The following EHBP1 variants were observed in gnomAD, a reference collection of about 807,000 sequenced individuals.
EHBP1 encodes EH domain-binding protein 1.
Under a neutral mutation model 144.0 loss-of-function variants are expected in EHBP1, and 55 were observed. That is an observed-to-expected ratio of 0.38 (90% CI 0.31 to 0.48). The LOEUF is 0.48. EHBP1 is among the 20% of genes least tolerant of loss of function. The probability of loss-of-function intolerance (pLI) is 0.98; values close to 1 mark genes in which losing one functional copy is unlikely to be tolerated. For synonymous variants in EHBP1, 469 were observed against 472.7 expected (o/e 0.99, Z 0.10); for missense variants, 1,200 against 1,364.2 (o/e 0.88, Z 1.90).
intron 4 of EHBP1, among the ~76,000 whole-genome samples, chr2:62,770,256 G>T (rs1310777774): frequency 2.0e-5 from 3 of 152,132 alleles, no homozygotes; most frequent in Admixed American, 2.0e-4. Context: ...GAAAATATTT[G>T]CAAACTGTGC....
chr2:63,001,823 T>C lies in EHBP1; in HGVS notation c.3103+5057T>C, dbSNP rs2059863221. On this transcript the variant is annotated intron_variant, in intron 19 of 22. Coordinates refer to ENST00000431489, the MANE Select transcript of EHBP1 (RefSeq NM_001142616.3). ...ACCACCTGACATGATCCCTGCTTCA[T>C]CTCTCATCTTCTTAGAGGTGAACTT... Among the ~76,000 whole-genome samples, 3 of 152,202 alleles carry C rather than the reference T, an allele frequency of 2.0e-5. No homozygotes were observed. In the South Asian group the frequency reaches 6.2e-4, roughly 32 times the overall value.
rs1296234536 is a variant in EHBP1 at position 62,926,700 on chromosome 2, G to A, written c.1186-16018G>A. ...AACAACAACAAAAAAACAAATGCTG[G>A]AGAGGATGCAGAGAAAAGGAAACTC... On this transcript the variant is annotated intron_variant, in intron 10 of 22. Transcript: ENST00000431489. 2.0e-5 allele frequency among the ~76,000 whole-genome samples: 3 copies of A among 152,026 alleles called. No individual in the cohort carries two copies. The East Asian group carries it at 5.8e-4, about 29-fold the overall frequency.
intron 5 of EHBP1, among the ~76,000 whole-genome samples, chr2:62,787,564 A>T (rs1421336282): frequency 6.6e-6 from 1 of 152,232 alleles, no homozygotes; most frequent in Non-Finnish European, 1.5e-5. Context: ...CATTAGCCAT[A>T]GCACAGTGCA....
At position 63,046,440 on chromosome 2, in the gene EHBP1, G is replaced by A. The variant is rs891544055; in HGVS notation, c.*940G>A. On this transcript the variant is annotated 3_prime_UTR_variant, in exon 23 of 23. Coordinates refer to ENST00000431489, the MANE Select transcript of EHBP1 (RefSeq NM_001142616.3). Reference sequence around the variant, plus strand: ...GGTTATGTTTATTTATTACAATACTGAGTCATATATAAATTTTCAATAAAA... The same window carrying A: ...GGTTATGTTTATTTATTACAATACTAAGTCATATATAAATTTTCAATAAAA... 3 of 152,570 alleles carry A rather than the reference G, an allele frequency of 2.0e-5. No homozygotes were observed. Among genetic ancestry groups the A allele is most frequent in the African/African-American group, 7.2e-5 (3 of 41,426 alleles). 9.5% of individuals were successfully genotyped at this position (152,570 alleles called of 1,614,324 possible). A position where few individuals can be genotyped will look rare whatever the true frequency, so the allele number is the denominator to read the frequency against.
Position 63,045,279 on chromosome 2 carries a change from A to C in EHBP1, c.3392+99A>C. The C allele has an allele frequency of 7.3e-7, 1 of 1,375,692 alleles. No individual in the cohort carries two copies. Among genetic ancestry groups the C allele is most frequent in the South Asian group, 1.3e-5 (1 of 79,280 alleles). The allele number at this position is 1,375,692 out of a possible 1,614,324, so 85.2% of individuals were successfully genotyped here. A position where few individuals can be genotyped will look rare whatever the true frequency, so the allele number is the denominator to read the frequency against. On this transcript the variant is annotated intron_variant, in intron 22 of 22. Transcript: ENST00000431489. The surrounding 1 kb of genome is among the most constrained non-coding windows in gnomAD (Gnocchi z 5.7). ...CCAGAGGTCGCGGGAGGGCCGGGGC[A>C]GCCTCCCACTGGCCTGGTGCTCCCC... is the stretch of plus-strand genomic sequence containing the variant.
chr2:62,727,679 C>T (rs566131436), intron 2 of EHBP1, among the ~76,000 whole-genome samples: 2 of 152,274 alleles, frequency 1.3e-5, no homozygotes, highest in South Asian at 4.1e-4. Flanking sequence ...GGATATGTTA[C>T]ATTTTACCCA....
rs765277827 is a variant in EHBP1, at chr2:62,948,783, A to G, written c.1937A>G (p.Gln646Arg). ...TCCAATACAGATTCAACCCAAGCAC[A>G]GGTTTTGTTAGGCAAAAAGAGACTA... is the stretch of plus-strand genomic sequence containing the variant. The part of the protein sequence containing the change: ...ICSNTDSTQA[Q>R]VLLGKKRLLK... Residue 646 changes from glutamine (Q) to arginine (R), a missense_variant, in exon 13 of 23, where the codon CAG becomes CGG. Gln to Arg is a conservative substitution (Grantham distance 43). Around this residue, in one of 6 missense-constraint regions of EHBP1, gnomAD observed 543 missense variants for 513.1 expected, o/e 1.06. Transcript: ENST00000431489. The G allele has an allele frequency of 3.7e-6, 6 of 1,614,166 alleles. No homozygotes were observed. The highest frequency in any genetic ancestry group is 2.2e-5 in the East Asian group (1 of 44,860).
chr2:62,927,515 A>G (rs967240151), intron 10 of EHBP1, among the ~76,000 whole-genome samples: 1 of 152,222 alleles, frequency 6.6e-6, no homozygotes, highest in Admixed American at 6.5e-5. Flanking sequence ...AAGTTACAAG[A>G]GACAAAGGAC....
At chr2:62,872,032 A>G (rs1253273303) in intron 9 of EHBP1, 2 of 152,172 alleles carry the variant, frequency 1.3e-5, no homozygotes, top group Admixed American at 6.5e-5. Context: ...AATTTTATTC[A>G]GGGAAGCTAC....
intron 10 of EHBP1, among the ~76,000 whole-genome samples, chr2:62,927,969 G>A (rs1385235185): frequency 6.6e-6 from 1 of 152,134 alleles, no homozygotes; most frequent in Admixed American, 6.5e-5. Flanking sequence ...TCACAAATAT[G>A]TGGATTTTAA....
intron 1 of EHBP1, among the ~76,000 whole-genome samples, chr2:62,678,925 T>C (rs1359253049): frequency 6.6e-6 from 1 of 152,170 alleles, no homozygotes; most frequent in Non-Finnish European, 1.5e-5. Flanking sequence ...TAAAGCCATG[T>C]TAATTTTAAT....
chr2:62,719,798 A>G (rs1170310843), intron 2 of EHBP1, among the ~76,000 whole-genome samples: 1 of 152,216 alleles, frequency 6.6e-6, no homozygotes. Context: ...CATAGGTTAT[A>G]TGCAAATACT....
chr2:62,735,191 G>A (rs1379250553), intron 2 of EHBP1, among the ~76,000 whole-genome samples: 1 of 151,970 alleles, frequency 6.6e-6, no homozygotes, highest in Non-Finnish European at 1.5e-5. Context: ...CACCATTCCT[G>A]GCCCCTTTTG....
chr2:63,011,287 A>C (rs772030446), intron 19 of EHBP1, among the ~76,000 whole-genome samples: 2 of 151,964 alleles, frequency 1.3e-5, no homozygotes, highest in Non-Finnish European at 2.9e-5. Context: ...TGTGAAAAAC[A>C]TCTGGCCTTT....
chr2:62,820,733 G>GAA (rs2045895303), intron 5 of EHBP1, among the ~76,000 whole-genome samples: 1 of 94,752 alleles, frequency 1.1e-5, no homozygotes, highest in Non-Finnish European at 2.0e-5. Context: ...GTGTGTGTGT[G>GAA]TATAATATAT....
chr2:62,908,873 G>C (rs761741498), intron 10 of EHBP1, among the ~76,000 whole-genome samples: 2 of 152,088 alleles, frequency 1.3e-5, no homozygotes, highest in Non-Finnish European at 2.9e-5. Flanking sequence ...CTCTAGTCAG[G>C]TTTGTTTTGC....
At chr2:63,042,543 A>G (rs1338034119) in intron 21 of EHBP1, among the ~76,000 whole-genome samples, 1 of 152,060 alleles carries the variant, frequency 6.6e-6, no homozygotes, top group East Asian at 1.9e-4. Flanking sequence ...TTAAATTCTA[A>G]TGTCATTTAA....
intron 19 of EHBP1, among the ~76,000 whole-genome samples, chr2:63,015,190 G>A (rs1302913904): frequency 1.3e-5 from 2 of 151,728 alleles, no homozygotes; most frequent in African/African-American, 4.8e-5. Flanking sequence ...TTATATTTTT[G>A]TACATTGTAC....
intron 10 of EHBP1, among the ~76,000 whole-genome samples, chr2:62,941,265 T>C (rs918089402): frequency 1.3e-5 from 2 of 152,132 alleles, no homozygotes; most frequent in African/African-American, 4.8e-5. Flanking sequence ...TGAAAAGATA[T>C]TTAATAGTTC....
Sources: gnomAD v4.1 joint callset for allele counts (sites outside exome capture counted in the v4.1 genomes callset) on GRCh38, gnomAD v4.1.1 for gene constraint, gnomAD v4.1.1 regional missense constraint, Gnocchi (gnomAD v3.1) non-coding constraint, MANE v1.5 for transcripts, NCBI Gene and HGNC (gene_info 2026-07-23, HGNC 2026-07-21) for gene names.